BACH2: variants seen among roughly 807,000 people sequenced by gnomAD.
BACH2 encodes the protein BACH transcriptional regulator 2.
In BACH2, 5 loss-of-function variants were observed where a neutral mutation model predicts 61.8. The observed-to-expected ratio is 0.08, with a 90% CI of 0.04 to 0.17. The LOEUF (loss-of-function observed/expected upper bound fraction) is 0.17, where lower values mean the gene tolerates loss of function less well. Among genes scored for constraint, BACH2 ranks in the 10% least tolerant of loss-of-function variants. BACH2 has a pLI of 1.00. For synonymous variants in BACH2, 446 were observed against 440.1 expected (o/e 1.01, Z -0.17); for missense variants, 824 against 1,091.1 (o/e 0.76, Z 3.45).
chr6:90,235,717 A>T (rs1770239194), intron 3 of BACH2, among the ~76,000 whole-genome samples: 1 of 152,228 alleles, frequency 6.6e-6, no homozygotes, highest in Admixed American at 6.5e-5. Flanking sequence ...TCTTCTGGGT[A>T]ATCCAGCTTG....
intron 4 of BACH2, among the ~76,000 whole-genome samples, chr6:90,114,597 A>G (rs1783313895): frequency 6.6e-6 from 1 of 152,204 alleles, no homozygotes; most frequent in Non-Finnish European, 1.5e-5. Context: ...TTTCCCTTGA[A>G]AACTGGCACA....
In BACH2 at chr6:89,933,445, T is replaced by C. The variant is rs147729244; in HGVS notation, c.2044-555A>G. On this transcript the variant is annotated intron_variant, in intron 8 of 8. Transcript: ENST00000257749. ...AGTGAAGCCACTCTGTATGACACTA[T>C]ACTGGTGGATCCATGTCATTATACA... 1.6e-3 allele frequency among the ~76,000 whole-genome samples: 238 copies of C among 152,268 alleles called. 1 individual carries two copies. The highest frequency in any genetic ancestry group is 2.5e-3 in the Non-Finnish European group (172 of 68,022).
chr6:90,117,323 C>T (rs1053358061), intron 4 of BACH2, among the ~76,000 whole-genome samples: 6 of 152,152 alleles, frequency 3.9e-5, no homozygotes, highest in Admixed American at 1.3e-4. Context: ...CTTTTCTCAT[C>T]TGGGATTGAC....
chr6:90,235,363 T>A (rs1770225346), intron 3 of BACH2, among the ~76,000 whole-genome samples: 1 of 152,202 alleles, frequency 6.6e-6, no homozygotes, highest in Non-Finnish European at 1.5e-5. Flanking sequence ...ATAATAGTAA[T>A]TACATCACAG....
intron 3 of BACH2, among the ~76,000 whole-genome samples, chr6:90,216,467 C>G (rs1009837535): frequency 2.0e-5 from 3 of 152,086 alleles, no homozygotes; most frequent in Non-Finnish European, 2.9e-5. Flanking sequence ...TCGGCTCAGA[C>G]GGTGGGGTCA....
chr6:90,118,450 T>C (rs207269), intron 4 of BACH2, among the ~76,000 whole-genome samples: 81,200 of 152,120 alleles, frequency 0.53, 22,355 homozygotes, highest in African/African-American at 0.63. Flanking sequence ...TCTAAGTACA[T>C]TGCTAGTCTC....
chr6:89,988,099 T>C (rs955708642), intron 6 of BACH2, among the ~76,000 whole-genome samples: 8 of 152,190 alleles, frequency 5.3e-5, no homozygotes, highest in Non-Finnish European at 8.8e-5. Flanking sequence ...ACAGGGAGCA[T>C]TGATAGGATG....
intron 4 of BACH2, among the ~76,000 whole-genome samples, chr6:90,166,668 A>T (rs1286743600): frequency 5.9e-5 from 9 of 152,218 alleles, no homozygotes; most frequent in Admixed American, 5.9e-4. Flanking sequence ...ATGTCCAACA[A>T]CGATAGACTG....
intron 4 of BACH2, among the ~76,000 whole-genome samples, chr6:90,203,546 C>T (rs934404189): frequency 1.3e-5 from 2 of 152,048 alleles, no homozygotes; most frequent in Non-Finnish European, 2.9e-5. Context: ...GGAGAATGCA[C>T]ACCCTGGGAA....
chr6:90,268,127 G>C (rs1490547983), intron 2 of BACH2, among the ~76,000 whole-genome samples: 1 of 151,046 alleles, frequency 6.6e-6, no homozygotes, highest in African/African-American at 2.4e-5. Flanking sequence ...TCATGCCTCA[G>C]CCTCCTGAGT....
chr6:90,147,324 C>T (rs963952101), intron 4 of BACH2, among the ~76,000 whole-genome samples: 2 of 152,292 alleles, frequency 1.3e-5, no homozygotes, highest in Admixed American at 1.3e-4. Context: ...CGTCCCTGCT[C>T]TCTGCTCTTC....
intron 4 of BACH2, among the ~76,000 whole-genome samples, chr6:90,203,270 G>T (rs771720256): frequency 7.3e-5 from 11 of 151,184 alleles, no homozygotes; most frequent in Non-Finnish European, 1.3e-4. Context: ...AATTAGCCAG[G>T]TATGGTGGCA....
chr6:90,108,101 G>T (rs1247401401), intron 4 of BACH2, among the ~76,000 whole-genome samples: 1 of 152,184 alleles, frequency 6.6e-6, no homozygotes, highest in Non-Finnish European at 1.5e-5. Flanking sequence ...TGCCCATGGG[G>T]CGTGAGGACT....
chr6:89,931,652 A>G lies in BACH2; in HGVS notation c.*756T>C, dbSNP rs1339879488. ...CAAACAAACAAAAAACAAACCTACAATGCTCAAATGACACCACTTGGAGGT... is the reference window on the plus strand; with the variant it reads ...CAAACAAACAAAAAACAAACCTACAGTGCTCAAATGACACCACTTGGAGGT... On this transcript the variant is annotated 3_prime_UTR_variant, in exon 9 of 9. Coordinates refer to ENST00000257749, the MANE Select transcript of BACH2 (RefSeq NM_021813.4). The G allele has an allele frequency of 1.3e-5, 2 of 152,698 alleles. No individual in the cohort carries two copies. Among genetic ancestry groups the G allele is most frequent in the Admixed American group, 6.5e-5 (1 of 15,270 alleles). 9.5% of individuals were successfully genotyped at this position (152,698 alleles called of 1,614,324 possible).
chr6:89,970,558 G>A (rs1775301189), intron 6 of BACH2, among the ~76,000 whole-genome samples: 1 of 152,192 alleles, frequency 6.6e-6, no homozygotes, highest in Non-Finnish European at 1.5e-5. Flanking sequence ...TTATTATAAT[G>A]TTTGTGTGTA....
chr6:90,038,073 T>C (rs1483178001), intron 5 of BACH2, among the ~76,000 whole-genome samples: 2 of 152,232 alleles, frequency 1.3e-5, no homozygotes, highest in Non-Finnish European at 2.9e-5. Flanking sequence ...TGTGAGGCAA[T>C]ACATTTCTGT....
In BACH2 at chr6:89,932,723, G is replaced by A; in HGVS notation, c.2211C>T (p.Asp737=). Residue 737 remains aspartate, a synonymous_variant, in exon 9 of 9, where the codon GAC becomes GAT. Coordinates refer to ENST00000257749, the MANE Select transcript of BACH2 (RefSeq NM_021813.4). ...GGTTAATACTGGAGGCCGTGGGCAA[G>A]TCCATGGGTCTGAGGACAGGGCAAT... ...HRYCPVLRPM[D]LPTASSINPA... 1.9e-6 allele frequency: 3 copies of A among 1,614,192 alleles called. No homozygotes were observed. Among genetic ancestry groups the A allele is most frequent in the Non-Finnish European group, 2.5e-6 (3 of 1,180,026 alleles).
intron 5 of BACH2, among the ~76,000 whole-genome samples, chr6:90,085,475 G>A (rs1259611491): frequency 6.6e-6 from 1 of 152,174 alleles, no homozygotes; most frequent in Non-Finnish European, 1.5e-5. Flanking sequence ...GCTGGAGCAT[G>A]GGTGGCTCAC....
intron 1 of BACH2, among the ~76,000 whole-genome samples, chr6:90,289,201 A>G (rs1274500955): frequency 3.3e-5 from 5 of 152,192 alleles, no homozygotes; most frequent in Non-Finnish European, 5.9e-5. Flanking sequence ...TGCTAAAGAG[A>G]GTTCCAACTT....
Sources: gnomAD v4.1 joint callset for allele counts (sites outside exome capture counted in the v4.1 genomes callset) on GRCh38, gnomAD v4.1.1 for gene constraint, MANE v1.5 for transcripts, NCBI Gene and HGNC (gene_info 2026-07-23, HGNC 2026-07-21) for gene names.